Variants in DHODH observed in about 807,000 individuals in gnomAD.
The protein encoded by DHODH is dihydroorotate dehydrogenase (quinone), also known as dihydroorotate dehydrogenase (quinone), mitochondrial.
In DHODH, 30 loss-of-function variants were observed where a neutral mutation model predicts 39.7. The ratio of observed to expected loss-of-function variants is 0.76; its 90% CI spans 0.57 to 1.02. The LOEUF (loss-of-function observed/expected upper bound fraction) is 1.02, where lower values mean the gene tolerates loss of function less well. DHODH is among the 50% of genes least tolerant of loss of function. DHODH has a pLI of 0.00. For synonymous variants in DHODH, 222 were observed against 213.8 expected, an observed-to-expected ratio of 1.04 and a Z score of -0.34; for missense variants, 531 against 520.8, an observed-to-expected ratio of 1.02 and a Z score of -0.19.
At position 72,020,355 on chromosome 16, in the gene DHODH, G is replaced by A. The variant is rs8052205; in HGVS notation, c.518-769G>A. ...TATATATATATATATATATATATAT[G>A]TGTATATATATATATATTTTTTTTT... On this transcript the variant is annotated intron_variant, in intron 4 of 8. Coordinates refer to ENST00000219240, the MANE Select transcript of DHODH (RefSeq NM_001361.5). 785 of 107,412 alleles carry A rather than the reference G, an allele frequency of 7.3e-3. 31 individuals are homozygous for A. The highest frequency in any genetic ancestry group is 0.033 in the African/African-American group (721 of 21,658). 6.7% of individuals were successfully genotyped at this position (107,412 alleles called of 1,614,324 possible). A position where few individuals can be genotyped will look rare whatever the true frequency, so the allele number is the denominator to read the frequency against.
At chr16:72,015,812 C>G in intron 3 of DHODH, 1 of 985,348 alleles carries the variant, frequency 1.0e-6, no homozygotes. Context: ...GGTGTGAGAT[C>G]CTGCTCTGAG....
In DHODH at chr16:72,021,113, G is replaced by A. The variant is rs201023112; in HGVS notation, c.518-11G>A. 609 of 1,599,264 alleles carry A rather than the reference G, an allele frequency of 3.8e-4. No individual in the cohort carries two copies. The highest frequency in any genetic ancestry group is 4.0e-4 in the Non-Finnish European group (469 of 1,172,644). ...TGTGCGGGGTGCAGGCCTGACCAGC[G>A]ATGTTTGCAGATGGACTGCCTCTGG... On this transcript the variant is annotated splice_polypyrimidine_tract_variant and intron_variant, in intron 4 of 8. Coordinates refer to ENST00000219240, the MANE Select transcript of DHODH (RefSeq NM_001361.5).
chr16:72,014,552 A>G lies in DHODH; in HGVS notation c.314A>G (p.Asp105Gly). ...AGFDKHGEAV[D>G]GLYKMGFGFV... ...TTTGACAAGCATGGGGAAGCCGTGG[A>G]CGGACTTTATAAGATGGGCTTTGGT... Residue 105 changes from aspartate to glycine, a missense_variant, in exon 3 of 9, where the codon GAC becomes GGC. Asp to Gly is a moderately conservative substitution (Grantham distance 94). Coordinates refer to ENST00000219240, the MANE Select transcript of DHODH (RefSeq NM_001361.5). 6.2e-7 allele frequency: 1 copy of G among 1,614,218 alleles called. No homozygotes were observed. The highest frequency in any genetic ancestry group is 2.2e-5 in the East Asian group (1 of 44,886).
chr16:72,023,376 T>C, intron 7 of DHODH, 58 bp downstream of exon 7: 3 of 1,613,926 alleles, frequency 1.9e-6, no homozygotes, highest in Non-Finnish European at 1.7e-6. Flanking sequence ...TCCTGGGTCG[T>C]GATGGGAATC....
chr16:72,017,317 C>T (rs1009850675), intron 4 of DHODH, among the ~76,000 whole-genome samples: 2 of 152,168 alleles, frequency 1.3e-5, no homozygotes, highest in Non-Finnish European at 2.9e-5. Flanking sequence ...ACTCACTTTG[C>T]CTCTGCCTTG....
chr16:72,023,417 G>C, intron 7 of DHODH, 57 bp from the exon 8 acceptor site: 1 of 1,613,956 alleles, frequency 6.2e-7, no homozygotes, highest in South Asian at 1.1e-5. Context: ...GATTGTGGGG[G>C]ACTCTGGGGC....
chr16:72,016,447 G>A (rs1163859882), intron 3 of DHODH: 3 of 168,802 alleles, frequency 1.8e-5, no homozygotes, highest in South Asian at 1.4e-4. Flanking sequence ...AGAAGTATGA[G>A]ATGTTGCTCA....
chr16:72,010,861 T>C (rs1329965921), intron 1 of DHODH, among the ~76,000 whole-genome samples: 4 of 152,148 alleles, frequency 2.6e-5, no homozygotes, highest in African/African-American at 4.8e-5. Context: ...CCCAAGTAGC[T>C]GAGACCGCAG....
chr16:72,008,822 A>AGGGACCG, intron 1 of DHODH, 37 bp downstream of exon 1: 1 of 1,552,440 alleles, frequency 6.4e-7, no homozygotes. Context: ...ATGGGGGACC[A>AGGGACCG]GGGACCGGGG....
chr16:72,021,298 GCCTGCTGA>G lies in DHODH; in HGVS notation c.695_702del (p.Leu232GlnfsTer24). On this transcript the variant is annotated frameshift_variant, in exon 5 of 9. Transcript: ENST00000219240. LOFTEE classifies it high-confidence loss of function. ...CTTCAGGGAAAGGCCGAGCTGCGCC[GCCTGCTGA>G]CCAAGGTGGGCAGCTGCACCCCTCT... 1 of 1,606,698 alleles carries G rather than the reference GCCTGCTGA, an allele frequency of 6.2e-7. No homozygotes were observed. The highest frequency in any genetic ancestry group is 8.5e-7 in the Non-Finnish European group (1 of 1,178,014).
rs2041285898 is a variant in DHODH at position 72,027,425 on chromosome 16, C to G, written c.*3226C>G. On this transcript the variant is annotated 3_prime_UTR_variant, in exon 9 of 9. Transcript: ENST00000219240. ...AGATTACAGGTGTGAGCCACCGCAC[C>G]CGGCCCAAGGATACCTATTTTTCTT... 1.3e-5 allele frequency: 2 copies of G among 152,232 alleles called. No individual in the cohort carries two copies. The highest frequency in any genetic ancestry group is 4.8e-5 in the African/African-American group (2 of 41,446). 9.4% of individuals were successfully genotyped at this position (152,232 alleles called of 1,614,324 possible).
Position 72,027,626 on chromosome 16 carries a change from A to G in DHODH, c.*3427A>G, listed in dbSNP as rs1391383416. 6.6e-6 allele frequency: 1 copy of G among 152,058 alleles called. No individual in the cohort carries two copies. 9.4% of individuals were successfully genotyped at this position (152,058 alleles called of 1,614,324 possible). ...AGTGCATAATTGTCTTTGCTTGCCA[A>G]TTTCATATCAGTTAAATATAAGCAG... On this transcript the variant is annotated 3_prime_UTR_variant, in exon 9 of 9. Transcript: ENST00000219240.
At chr16:72,023,377 G>A (rs1043354751) in intron 7 of DHODH, 59 bp downstream of exon 7, 3 of 1,613,734 alleles carry the variant, frequency 1.9e-6, no homozygotes, top group African/African-American at 1.3e-5. Flanking sequence ...CCTGGGTCGT[G>A]ATGGGAATCA....
intron 2 of DHODH, 122 bp downstream of exon 2, chr16:72,012,384 A>G (rs959711818): frequency 2.5e-6 from 2 of 794,248 alleles, no homozygotes; most frequent in Non-Finnish European, 4.3e-6. Context: ...GGGATTTGGA[A>G]TTCAGTCTGA....
Position 72,024,535 on chromosome 16 carries a change from A to G in DHODH, c.*336A>G. The G allele has an allele frequency of 2.5e-6, 1 of 402,008 alleles. No homozygotes were observed. The highest frequency in any genetic ancestry group is 2.3e-5 in the South Asian group (1 of 43,504). The allele number at this position is 402,008 out of a possible 1,614,324, so 24.9% of individuals were successfully genotyped here. A position where few individuals can be genotyped will look rare whatever the true frequency, so the allele number is the denominator to read the frequency against. On this transcript the variant is annotated 3_prime_UTR_variant, in exon 9 of 9. Transcript: ENST00000219240. ...CAACGCTAGCCCTTTCTGGTTTGCCATAGGCCCTGCCAAGATACTGCAGGT... is the reference window on the plus strand; with the variant it reads ...CAACGCTAGCCCTTTCTGGTTTGCCGTAGGCCCTGCCAAGATACTGCAGGT...
At chr16:72,015,497 T>G (rs1430727883) in intron 3 of DHODH, 1 of 163,650 alleles carries the variant, frequency 6.1e-6, no homozygotes, top group African/African-American at 2.4e-5. Flanking sequence ...GCTTACTTTT[T>G]GGTAAGAGGA....
At position 72,012,266 on chromosome 16, in the gene DHODH, G is replaced by A. The variant is rs775719313; in HGVS notation, c.234+4G>A. 1.9e-6 allele frequency: 3 copies of A among 1,613,664 alleles called. No homozygotes were observed. Among genetic ancestry groups the A allele is most frequent in the Non-Finnish European group, 1.7e-6 (2 of 1,179,758 alleles). ...ATTTCAAGACTCTGACATGCTGGTAGTGCTCCCAGACACCCTATACATTAA... is the reference window on the plus strand; with the variant it reads ...ATTTCAAGACTCTGACATGCTGGTAATGCTCCCAGACACCCTATACATTAA... On this transcript the variant is annotated splice_donor_region_variant and intron_variant, in intron 2 of 8. Coordinates refer to ENST00000219240, the MANE Select transcript of DHODH (RefSeq NM_001361.5).
intron 1 of DHODH, among the ~76,000 whole-genome samples, chr16:72,010,723 A>T (rs925154787): frequency 6.6e-6 from 1 of 152,174 alleles, no homozygotes; most frequent in Non-Finnish European, 1.5e-5. Flanking sequence ...GAATATATGT[A>T]TAATGTCTTT....
At position 72,012,321 on chromosome 16, in the gene DHODH, ACTT is replaced by A; in HGVS notation, c.234+62_234+64del. Reference sequence around the variant, plus strand: ...AAAGGCGAAGGCTGCAGTCCCCTAAACTTCTCAGCTGGGACTGATCTTTTTGAA... The same window carrying A: ...AAAGGCGAAGGCTGCAGTCCCCTAAACTCAGCTGGGACTGATCTTTTTGAA... On this transcript the variant is annotated intron_variant, in intron 2 of 8. Coordinates refer to ENST00000219240, the MANE Select transcript of DHODH (RefSeq NM_001361.5). 5 of 1,498,118 alleles carry A rather than the reference ACTT, an allele frequency of 3.3e-6. 1 individual carries two copies. In the South Asian group the frequency reaches 5.7e-5, roughly 17 times the overall value. The allele number at this position is 1,498,118 out of a possible 1,614,324, so 92.8% of individuals were successfully genotyped here.
Sources: gnomAD v4.1 joint callset for allele counts (sites outside exome capture counted in the v4.1 genomes callset) on GRCh38, gnomAD v4.1.1 for gene constraint, MANE v1.5 for transcripts, NCBI Gene and HGNC (gene_info 2026-07-23, HGNC 2026-07-21) for gene names.